NYAP2: variants seen among roughly 807,000 people sequenced by gnomAD.
NYAP2 encodes the protein neuronal tyrosine-phosphorylated phosphoinositide-3-kinase adapter 2.
NYAP2 carries 23 observed loss-of-function variants against 50.4 expected under a neutral mutation model. The observed-to-expected ratio is 0.46, with a 90% CI of 0.33 to 0.65. The LOEUF (loss-of-function observed/expected upper bound fraction) is 0.65, where lower values mean the gene tolerates loss of function less well. NYAP2 is among the 30% of genes least tolerant of loss of function. NYAP2 has a pLI of 0.02. For missense variants in NYAP2, 885 were observed against 861.0 expected (o/e 1.03, Z -0.35); for synonymous variants, 394 against 365.2 (o/e 1.08, Z -0.90).
At chr2:225,657,633 A>G (rs189171027), downstream of NYAP2, among the ~76,000 whole-genome samples, 182 of 152,112 alleles carry the variant, frequency 1.2e-3, 1 homozygote, top group Non-Finnish European at 1.6e-3. Flanking sequence ...AAAAACAAAA[A>G]CCAAAACACC....
chr2:225,512,858 TTC>T (rs1559200590), intron 3 of NYAP2, among the ~76,000 whole-genome samples: 1,905 of 101,772 alleles, frequency 0.019, 17 homozygotes, highest in East Asian at 0.034. Context: ...TCTTTCTTCC[TTC>T]CTTCCTTCCT....
the NYAP2 span, among the ~76,000 whole-genome samples, chr2:225,682,430 C>T: frequency 3.9e-5 from 6 of 152,156 alleles, no homozygotes; most frequent in Non-Finnish European, 8.8e-5. Context: ...CACTTCAACT[C>T]CAATTGAACA....
Position 225,612,629 on chromosome 2 carries a change from C to A in NYAP2, c.1619-14288C>A, listed in dbSNP as rs190985310. Among the ~76,000 whole-genome samples, 12 of 152,222 alleles carry A rather than the reference C, an allele frequency of 7.9e-5. No homozygotes were observed. In the East Asian group the frequency reaches 1.4e-3, roughly 17 times the overall value. ...CAAGACATTCAAGTACTGGTGAGGA[C>A]TCTCTTCTAGGATTGGAGATGGCCA... On this transcript the variant is annotated intron_variant, in intron 5 of 6. Coordinates refer to ENST00000636099, the Ensembl canonical transcript of NYAP2.
chr2:225,455,866 C>A (rs1004256569), intron 3 of NYAP2, among the ~76,000 whole-genome samples: 3 of 152,194 alleles, frequency 2.0e-5, no homozygotes, highest in Admixed American at 6.5e-5. Flanking sequence ...TGATTATTGA[C>A]AAGCTCTTAA....
intron 4 of NYAP2, among the ~76,000 whole-genome samples, chr2:225,536,101 A>G (rs1286729079): frequency 6.6e-6 from 1 of 152,236 alleles, no homozygotes; most frequent in Non-Finnish European, 1.5e-5. Context: ...CATCAAATAA[A>G]TAATTGCAAA....
intron 4 of NYAP2, among the ~76,000 whole-genome samples, chr2:225,541,371 G>A (rs777155762): frequency 5.3e-5 from 8 of 151,992 alleles, no homozygotes; most frequent in East Asian, 3.9e-4. Flanking sequence ...TGCCCAGTCC[G>A]ATGTCCTGGA....
chr2:225,642,327 A>G (rs1391626513), intron 6 of NYAP2, among the ~76,000 whole-genome samples: 4 of 152,320 alleles, frequency 2.6e-5, no homozygotes, highest in Middle Eastern at 6.8e-3. Context: ...TTGACCCCCA[A>G]TAATAAAAAC....
At chr2:225,643,505 A>T (rs576627622) in intron 6 of NYAP2, among the ~76,000 whole-genome samples, 95 of 151,920 alleles carry the variant, frequency 6.3e-4, no homozygotes, top group African/African-American at 2.1e-3. Flanking sequence ...CAGGTTAGTT[A>T]CATACGTATA....
chr2:225,436,150 C>A (rs1343475989), intron 3 of NYAP2, among the ~76,000 whole-genome samples: 1 of 152,200 alleles, frequency 6.6e-6, no homozygotes, highest in Non-Finnish European at 1.5e-5. Context: ...TTGGTCAGAT[C>A]ATATCTCTGC....
chr2:225,591,135 C>G (rs896242789), intron 5 of NYAP2, among the ~76,000 whole-genome samples: 2 of 152,158 alleles, frequency 1.3e-5, no homozygotes, highest in African/African-American at 4.8e-5. Context: ...CCAGATGGAG[C>G]TGTGACTCAG....
the NYAP2 span, among the ~76,000 whole-genome samples, chr2:225,662,526 C>T: frequency 1.3e-5 from 2 of 152,356 alleles, no homozygotes; most frequent in South Asian, 2.1e-4. Flanking sequence ...CGAACAGACA[C>T]TTTAAAGTGG....
rs559826697 is a variant in NYAP2 at position 225,406,143 on chromosome 2, A to G, written c.-17-2721A>G. On this transcript the variant is annotated intron_variant, in intron 2 of 6. Transcript: ENST00000636099. ...TTAATTTGGAAATTGAAGTTTAAAA[A>G]CAGTAATTAACTTGTATGAAGTTTT... 3.3e-5 allele frequency among the ~76,000 whole-genome samples: 5 copies of G among 151,994 alleles called. No homozygotes were observed. In the South Asian group the frequency reaches 8.3e-4, roughly 25 times the overall value.
chr2:225,689,888 T>C, the NYAP2 span, among the ~76,000 whole-genome samples: 1 of 152,172 alleles, frequency 6.6e-6, no homozygotes, highest in Non-Finnish European at 1.5e-5. Context: ...CTAATTGTCA[T>C]GTTATTCAAG....
chr2:225,409,520 A>G (rs1004736468), intron 3 of NYAP2, among the ~76,000 whole-genome samples: 2 of 152,052 alleles, frequency 1.3e-5, no homozygotes, highest in Non-Finnish European at 2.9e-5. Flanking sequence ...TATGGCCAAG[A>G]TACATCAATA....
chr2:225,682,131 G>T, the NYAP2 span, among the ~76,000 whole-genome samples: 1 of 152,104 alleles, frequency 6.6e-6, no homozygotes, highest in Non-Finnish European at 1.5e-5. Flanking sequence ...AGCCAACTGA[G>T]AAAAGCATTT....
chr2:225,643,033 A>G (rs756551280), intron 6 of NYAP2, among the ~76,000 whole-genome samples: 3 of 152,210 alleles, frequency 2.0e-5, no homozygotes, highest in Non-Finnish European at 2.9e-5. Flanking sequence ...AAACAGGAGT[A>G]AAATAAATGA....
intron 4 of NYAP2, among the ~76,000 whole-genome samples, chr2:225,516,967 T>A (rs935345117): frequency 6.6e-6 from 1 of 152,134 alleles, no homozygotes; most frequent in Non-Finnish European, 1.5e-5. Context: ...AGGCTTCTAT[T>A]TAAGTAAGGG....
intron 5 of NYAP2, among the ~76,000 whole-genome samples, chr2:225,617,740 A>G (rs1328222319): frequency 6.6e-6 from 1 of 152,210 alleles, no homozygotes; most frequent in African/African-American, 2.4e-5. Context: ...AACAGCAACT[A>G]ACTCATGTTC....
the NYAP2 span, among the ~76,000 whole-genome samples, chr2:225,664,040 T>A: frequency 6.6e-6 from 1 of 152,144 alleles, no homozygotes; most frequent in East Asian, 1.9e-4. Context: ...CCCTTCTCTG[T>A]CTCTTCCCTG....
Sources: gnomAD v4.1 joint callset for allele counts (sites outside exome capture counted in the v4.1 genomes callset) on GRCh38, gnomAD v4.1.1 for gene constraint, MANE v1.5 for transcripts, NCBI Gene and HGNC (gene_info 2026-07-23, HGNC 2026-07-21) for gene names.